The following SLC16A12 variants were observed in gnomAD, a reference collection of about 807,000 sequenced individuals.
SLC16A12 encodes solute carrier family 16 member 12.
SLC16A12 carries 17 observed loss-of-function variants against 42.4 expected under a neutral mutation model. The observed-to-expected ratio is 0.40, with a 90% CI of 0.27 to 0.60. SLC16A12 has a LOEUF of 0.60. SLC16A12 is among the 20% of genes least tolerant of loss of function. The probability of loss-of-function intolerance (pLI) is 0.42; values close to 1 mark genes in which losing one functional copy is unlikely to be tolerated. For synonymous variants in SLC16A12, 224 were observed against 229.4 expected, an observed-to-expected ratio of 0.98 and a Z score of 0.21; for missense variants, 544 against 623.0, an observed-to-expected ratio of 0.87 and a Z score of 1.35.
At chr10:89,439,234 G>T (rs1841862507) in intron 5 of SLC16A12, 51 bp from the exon 6 acceptor site, 2 of 1,520,138 alleles carry the variant, frequency 1.3e-6, no homozygotes, top group Admixed American at 1.7e-5. Flanking sequence ...AACAGCCAAT[G>T]ATATCTCAGA....
rs1333183002 is a variant in SLC16A12, at chr10:89,436,067, G to A, written c.1281C>T (p.Pro427=). The A allele has an allele frequency of 6.2e-7, 1 of 1,613,718 alleles. No homozygotes were observed. The highest frequency in any genetic ancestry group is 1.3e-5 in the African/African-American group (1 of 74,898). Residue 427 remains proline, a synonymous_variant, in exon 7 of 8, where the codon CCC becomes CCT. Transcript: ENST00000371790. ...LHAVPYLVSP[P]IAGRLVDTTG... ...TTCTCTCTGGAAACTTACCTGCGAT[G>A]GGTGGGCTCACCAAGTATGGCACTG...
rs920104135 is a variant in SLC16A12, at chr10:89,462,547, G to C, written c.32C>G (p.Ser11Cys). The C allele has an allele frequency of 1.2e-6, 2 of 1,612,016 alleles. No individual in the cohort carries two copies. Among genetic ancestry groups the C allele is most frequent in the African/African-American group, 1.3e-5 (1 of 74,992 alleles). Reference sequence around the variant, plus strand: ...CAACAGCCAAGTTATGATCTTGGAAGAGTTTGCTGTCCAGTGACTTCCTGA... The same window carrying C: ...CAACAGCCAAGTTATGATCTTGGAACAGTTTGCTGTCCAGTGACTTCCTGA... MPSGSHWTANSSKIITWLLEQ... is the reference protein window; with the variant it reads MPSGSHWTANCSKIITWLLEQ... Residue 11 changes from serine (S) to cysteine (C), a missense_variant, in exon 3 of 8, where the codon TCT (serine) becomes TGT (cysteine). Physicochemically the swap from Ser to Cys is moderately radical, Grantham distance 112. Coordinates refer to ENST00000371790, the MANE Select transcript of SLC16A12 (RefSeq NM_213606.4).
intron 2 of SLC16A12, among the ~76,000 whole-genome samples, chr10:89,532,851 G>A (rs1843578313): frequency 6.6e-6 from 1 of 152,170 alleles, no homozygotes; most frequent in African/African-American, 2.4e-5. Flanking sequence ...AAAATGTAAA[G>A]TGAGACAAAA....
chr10:89,538,057 C>A (rs975912039), upstream of SLC16A12, among the ~76,000 whole-genome samples: 1 of 152,228 alleles, frequency 6.6e-6, no homozygotes, highest in Non-Finnish European at 1.5e-5. Flanking sequence ...GGGTTCCACG[C>A]TCAAGACCTG....
intron 2 of SLC16A12, among the ~76,000 whole-genome samples, chr10:89,479,991 A>T (rs1376716396): frequency 6.6e-6 from 1 of 152,224 alleles, no homozygotes; most frequent in Admixed American, 6.5e-5. Flanking sequence ...AAGATAATTT[A>T]TCTGAGAAGG....
intron 2 of SLC16A12, among the ~76,000 whole-genome samples, chr10:89,468,314 A>T (rs1296389418): frequency 6.6e-6 from 1 of 151,986 alleles, no homozygotes; most frequent in Non-Finnish European, 1.5e-5. Context: ...GAATAAGCGC[A>T]CTCGATCCTC....
intron 2 of SLC16A12, among the ~76,000 whole-genome samples, chr10:89,485,411 G>A (rs1842729363): frequency 1.3e-5 from 2 of 152,226 alleles, no homozygotes; most frequent in Admixed American, 6.5e-5. Context: ...TGGCTTCCCA[G>A]GTCCTGAACT....
intron 2 of SLC16A12, among the ~76,000 whole-genome samples, chr10:89,501,723 C>T (rs1180744636): frequency 6.6e-6 from 1 of 152,128 alleles, no homozygotes; most frequent in Non-Finnish European, 1.5e-5. Flanking sequence ...TACACTCCAG[C>T]CCGGGCGACA....
chr10:89,555,070 A>G (rs1843801429), intron 2 of SLC16A12, among the ~76,000 whole-genome samples: 1 of 152,178 alleles, frequency 6.6e-6, no homozygotes, highest in African/African-American at 2.4e-5. Context: ...CCTAGAAAGC[A>G]TCCAGTAAAT....
chr10:89,551,330 C>T (rs528733515), intron 2 of SLC16A12, among the ~76,000 whole-genome samples: 1 of 152,190 alleles, frequency 6.6e-6, no homozygotes, highest in African/African-American at 2.4e-5. Context: ...GTAGTCCCAG[C>T]TACTTGGGAG....
intron 3 of SLC16A12, among the ~76,000 whole-genome samples, chr10:89,457,087 T>C (rs189462656): frequency 1.3e-5 from 2 of 152,248 alleles, no homozygotes; most frequent in African/African-American, 4.8e-5. Flanking sequence ...GTAATGGGAT[T>C]GCTGGGTCAA....
intron 3 of SLC16A12, among the ~76,000 whole-genome samples, chr10:89,452,464 G>T (rs1016109487): frequency 6.6e-6 from 1 of 152,012 alleles, no homozygotes; most frequent in Non-Finnish European, 1.5e-5. Flanking sequence ...TCTTTACTTA[G>T]AATAACATTA....
At chr10:89,472,018 T>C (rs1039914355) in intron 2 of SLC16A12, among the ~76,000 whole-genome samples, 1 of 152,210 alleles carries the variant, frequency 6.6e-6, no homozygotes, top group African/African-American at 2.4e-5. Context: ...ATATTCTAGA[T>C]ACAAGTTATT....
At chr10:89,445,063 C>T (rs527559167) in intron 3 of SLC16A12, among the ~76,000 whole-genome samples, 1 of 152,382 alleles carries the variant, frequency 6.6e-6, no homozygotes, top group Admixed American at 6.5e-5. Context: ...TCTGCCATTG[C>T]TGAGGCTTGA....
rs1842318115 is a variant in SLC16A12, at chr10:89,462,490, G to C, written c.89C>G (p.Thr30Ser). 1.2e-6 allele frequency: 2 copies of C among 1,613,912 alleles called. No homozygotes were observed. Among genetic ancestry groups the C allele is most frequent in the African/African-American group, 2.7e-5 (2 of 74,906 alleles). ...EQPGKEEKRKTMAKVNRARST... is the reference protein window; with the variant it reads ...EQPGKEEKRKSMAKVNRARST... ...CCGAGCTCTATTTACTTTTGCCATGGTTTTTCTTTTTTCTTCTTTTCCAGG... is the reference window on the plus strand; with the variant it reads ...CCGAGCTCTATTTACTTTTGCCATGCTTTTTCTTTTTTCTTCTTTTCCAGG... The change falls in exon 3 of 8, where the codon ACC becomes AGC. Residue 30 changes from threonine to serine, a missense_variant. Thr to Ser is a moderately conservative substitution (Grantham distance 58, BLOSUM62 1). Coordinates refer to ENST00000371790, the MANE Select transcript of SLC16A12 (RefSeq NM_213606.4).
chr10:89,550,241 A>G (rs1484139907), intron 2 of SLC16A12, among the ~76,000 whole-genome samples: 1 of 152,104 alleles, frequency 6.6e-6, no homozygotes, highest in African/African-American at 2.4e-5. Flanking sequence ...TAAAACTTAA[A>G]TTAGCACGGT....
At chr10:89,473,639 C>T (rs1842535574) in intron 2 of SLC16A12, among the ~76,000 whole-genome samples, 2 of 152,034 alleles carry the variant, frequency 1.3e-5, no homozygotes, top group Non-Finnish European at 2.9e-5. Context: ...TATTGTTTTA[C>T]GAGTAAGTTT....
Position 89,441,131 on chromosome 10 carries a change from T to C in SLC16A12, c.425A>G (p.Tyr142Cys), listed in dbSNP as rs1188900316. The part of the protein sequence containing the change: ...SSFATSLKHL[Y>C]LTLGVLTGLG... Reference sequence around the variant, plus strand: ...ACCTGTAAGAACTCCCAGAGTGAGGTAGAGATGCTTCAGACTCGTGGCAAA... The same window carrying C: ...ACCTGTAAGAACTCCCAGAGTGAGGCAGAGATGCTTCAGACTCGTGGCAAA... Residue 142 changes from tyrosine to cysteine, a missense_variant, in exon 5 of 8, where the codon TAC becomes TGC. Transcript: ENST00000371790. The C allele has an allele frequency of 1.2e-6, 2 of 1,613,640 alleles. No individual in the cohort carries two copies. Among genetic ancestry groups the C allele is most frequent in the Non-Finnish European group, 1.7e-6 (2 of 1,179,770 alleles).
intron 3 of SLC16A12, among the ~76,000 whole-genome samples, chr10:89,446,434 G>A (rs1045608158): frequency 6.6e-6 from 1 of 152,248 alleles, no homozygotes; most frequent in African/African-American, 2.4e-5. Context: ...CAAGCCAGAA[G>A]AGAGTGGGGG....
Sources: gnomAD v4.1 joint callset for allele counts (sites outside exome capture counted in the v4.1 genomes callset) on GRCh38, gnomAD v4.1.1 for gene constraint, MANE v1.5 for transcripts, NCBI Gene and HGNC (gene_info 2026-07-23, HGNC 2026-07-21) for gene names.